PAPPA2: variants seen among roughly 807,000 people sequenced by gnomAD.
The protein encoded by PAPPA2 is pappalysin-2.
A neutral mutation model predicts 176.4 loss-of-function variants in PAPPA2; 86 were observed. That is an observed-to-expected ratio of 0.49 (90% CI 0.41 to 0.58). PAPPA2 has a LOEUF of 0.58. Among genes scored for constraint, PAPPA2 ranks in the 20% least tolerant of loss-of-function variants. The probability of loss-of-function intolerance (pLI) is 0.00; values close to 1 mark genes in which losing one functional copy is unlikely to be tolerated. For synonymous variants in PAPPA2, 809 were observed against 852.2 expected (o/e 0.95, Z 0.88); for missense variants, 2,073 against 2,256.9 (o/e 0.92, Z 1.65).
chr1:176,672,117 C>T (rs935235135), intron 4 of PAPPA2, among the ~76,000 whole-genome samples: 4 of 151,300 alleles, frequency 2.6e-5, no homozygotes, highest in African/African-American at 7.3e-5. Flanking sequence ...CTTTTTACAA[C>T]GTCTTATTAT....
chr1:176,749,212 A>G (rs559725695), intron 14 of PAPPA2, among the ~76,000 whole-genome samples: 79 of 152,348 alleles, frequency 5.2e-4, no homozygotes, highest in African/African-American at 1.9e-3. Flanking sequence ...TATAAAACCA[A>G]TTTGTAAAAT....
At chr1:176,671,192 GA>G in intron 4 of PAPPA2, 77 bp downstream of exon 4, 3 of 1,566,782 alleles carry the variant, frequency 1.9e-6, no homozygotes, top group Non-Finnish European at 2.6e-6. Flanking sequence ...TAAGTTTGGG[GA>G]AAAAAGAAAG....
intron 4 of PAPPA2, among the ~76,000 whole-genome samples, chr1:176,680,661 G>A (rs956866503): frequency 1.3e-5 from 2 of 151,908 alleles, no homozygotes; most frequent in African/African-American, 2.4e-5. Flanking sequence ...CTTCTCAGTT[G>A]AGTTATCATT....
chr1:176,789,482 G>A (rs1387959918), intron 17 of PAPPA2, among the ~76,000 whole-genome samples: 1 of 152,008 alleles, frequency 6.6e-6, no homozygotes, highest in Non-Finnish European at 1.5e-5. Flanking sequence ...CAGCACACCA[G>A]CATGGTACAT....
At position 176,710,140 on chromosome 1, in the gene PAPPA2, T is replaced by C. The variant is rs747200430; in HGVS notation, c.3615T>C (p.Cys1205=). ...CCTCTCATGAAGACAAGAAGAAGTG[T>C]CCTGTTTCCTTGGTAACTGGAGAAC... The part of the protein sequence containing the change: ...AYSSHEDKKK[C]PVSLVTGEPH... Residue 1205 remains cysteine (C), a synonymous_variant, in exon 11 of 23, where the codon TGT becomes TGC. Coordinates refer to ENST00000367662, the MANE Select transcript of PAPPA2 (RefSeq NM_020318.3). 1 of 1,613,718 alleles carries C rather than the reference T, an allele frequency of 6.2e-7. No individual in the cohort carries two copies. The highest frequency in any genetic ancestry group is 1.7e-5 in the Admixed American group (1 of 59,988).
intron 14 of PAPPA2, among the ~76,000 whole-genome samples, chr1:176,752,350 A>T (rs1288299585): frequency 1.3e-5 from 2 of 150,136 alleles, no homozygotes; most frequent in African/African-American, 5.0e-5. Flanking sequence ...AATAAAAAAA[A>T]AAAAAAAAAA....
chr1:176,472,639 A>G (rs1464879875), intron 1 of PAPPA2, among the ~76,000 whole-genome samples: 4 of 152,192 alleles, frequency 2.6e-5, no homozygotes, highest in African/African-American at 4.8e-5. Context: ...TTCAGTGGGC[A>G]GAGCTACAAA....
chr1:176,653,145 ATCC>A (rs1558498403), intron 3 of PAPPA2, among the ~76,000 whole-genome samples: 1 of 151,532 alleles, frequency 6.6e-6, no homozygotes. Context: ...CATCCAACCA[ATCC>A]TCCTATGTCT....
chr1:176,582,839 G>A (rs1653071966), intron 2 of PAPPA2, among the ~76,000 whole-genome samples: 1 of 152,064 alleles, frequency 6.6e-6, no homozygotes, highest in South Asian at 2.1e-4. Flanking sequence ...ATTCATATTA[G>A]TTATTTAAAG....
chr1:176,727,490 T>G (rs1423622418), intron 12 of PAPPA2, among the ~76,000 whole-genome samples: 1 of 152,056 alleles, frequency 6.6e-6, no homozygotes, highest in Non-Finnish European at 1.5e-5. Context: ...GATAAATAGG[T>G]TAATTTCTAA....
chr1:176,696,661 C>T (rs1329699150), intron 7 of PAPPA2, among the ~76,000 whole-genome samples: 1 of 152,218 alleles, frequency 6.6e-6, no homozygotes. Flanking sequence ...GGCTTGACTT[C>T]TTCCATCATC....
intron 3 of PAPPA2, among the ~76,000 whole-genome samples, chr1:176,666,637 G>A (rs1392886583): frequency 1.4e-5 from 2 of 146,752 alleles, no homozygotes; most frequent in Non-Finnish European, 3.0e-5. Context: ...GAAAGAGAGA[G>A]ACCCAGTGAC....
intron 3 of PAPPA2, among the ~76,000 whole-genome samples, chr1:176,659,048 T>A (rs1658188561): frequency 1.3e-5 from 2 of 151,960 alleles, no homozygotes. Context: ...TAGTTTAAAC[T>A]AAGCAACTAG....
chr1:176,716,175 C>T (rs993784978), intron 12 of PAPPA2, among the ~76,000 whole-genome samples: 2 of 151,204 alleles, frequency 1.3e-5, no homozygotes, highest in African/African-American at 4.9e-5. Context: ...ACTGTAAAAG[C>T]TAATAATAGC....
intron 7 of PAPPA2, 128 bp downstream of exon 7, chr1:176,695,987 TG>T: frequency 2.9e-5 from 27 of 928,292 alleles, no homozygotes; most frequent in Non-Finnish European, 3.8e-5. Context: ...TGTGTGTGTG[TG>T]TGTGTGTGTG....
chr1:176,509,040 A>C (rs1053255846), intron 1 of PAPPA2, among the ~76,000 whole-genome samples: 1 of 152,062 alleles, frequency 6.6e-6, no homozygotes, highest in Middle Eastern at 3.2e-3. Flanking sequence ...ATGTTAGATG[A>C]AATATAATAT....
chr1:176,763,717 A>G (rs7411431), intron 14 of PAPPA2, among the ~76,000 whole-genome samples: 1 of 152,342 alleles, frequency 6.6e-6, no homozygotes, highest in South Asian at 2.1e-4. Flanking sequence ...TAATTCACTG[A>G]TTAAAGAATG....
intron 1 of PAPPA2, among the ~76,000 whole-genome samples, chr1:176,478,744 T>C (rs746152929): frequency 2.6e-5 from 4 of 152,220 alleles, no homozygotes; most frequent in Non-Finnish European, 5.9e-5. Flanking sequence ...TTCATTGCTC[T>C]TGAGTTCAAA....
chr1:176,549,781 T>C (rs1400701978), intron 1 of PAPPA2, among the ~76,000 whole-genome samples: 1 of 152,196 alleles, frequency 6.6e-6, no homozygotes, highest in Non-Finnish European at 1.5e-5. Context: ...AGGATGTAGA[T>C]AGAAGAATAC....
Sources: allele counts gnomAD v4.1 joint callset (sites outside exome capture counted in the v4.1 genomes callset), GRCh38; gene constraint gnomAD v4.1.1; transcripts MANE v1.5; gene names NCBI Gene and HGNC (gene_info 2026-07-23, HGNC 2026-07-21).